SDK2: variants seen among roughly 807,000 people sequenced by gnomAD.
SDK2 encodes sidekick cell adhesion molecule 2, also known as protein sidekick-2.
A neutral mutation model predicts 253.9 loss-of-function variants in SDK2; 105 were observed. The observed-to-expected ratio is 0.41, with a 90% CI of 0.35 to 0.49. The LOEUF is 0.49. SDK2 is among the 20% of genes least tolerant of loss of function. The probability of loss-of-function intolerance (pLI) is 0.06; values close to 1 mark genes in which losing one functional copy is unlikely to be tolerated. For missense variants in SDK2, 2,608 were observed against 3,003.0 expected (o/e 0.87, Z 3.07); for synonymous variants, 1,249 against 1,234.9 (o/e 1.01, Z -0.24).
rs1279883633 is a variant in SDK2, at chr17:73,335,718, C to T, written c.*2869G>A. ...TGTCTAAATTTGCGTGGTGTCCTCA[C>T]CCTCTCAGACAATAGATCCCAGCCA... On this transcript the variant is annotated 3_prime_UTR_variant, in exon 45 of 45. Transcript: ENST00000392650. 1 of 152,260 alleles carries T rather than the reference C, an allele frequency of 6.6e-6. No individual in the cohort carries two copies. The highest frequency in any genetic ancestry group is 1.5e-5 in the Non-Finnish European group (1 of 68,062). 9.4% of individuals were successfully genotyped at this position (152,260 alleles called of 1,614,324 possible). A position where few individuals can be genotyped will look rare whatever the true frequency, so the allele number is the denominator to read the frequency against.
At chr17:73,480,468 C>A (rs1336693779) in intron 2 of SDK2, among the ~76,000 whole-genome samples, 2 of 152,134 alleles carry the variant, frequency 1.3e-5, no homozygotes, top group African/African-American at 4.8e-5. Flanking sequence ...GCTTGGGCAG[C>A]CCCTTTAGTG....
rs765696082 is a variant in SDK2, at chr17:73,438,045, C to T, written c.835G>A (p.Ala279Thr). 59 of 1,551,538 alleles carry T rather than the reference C, an allele frequency of 3.8e-5. No individual in the cohort carries two copies. Among genetic ancestry groups the T allele is most frequent in the East Asian group, 4.9e-5 (2 of 40,936 alleles). The change falls in exon 7 of 45, where the codon GCC becomes ACC. Residue 279 changes from alanine to threonine, a missense_variant. By Grantham distance (58) the Ala-to-Thr change is moderately conservative (BLOSUM62 0). Coordinates refer to ENST00000392650, the MANE Select transcript of SDK2 (RefSeq NM_001144952.2). The stretch of plus-strand genomic sequence containing the variant: ...ACAGCCTCACACTCGTAGTAGCCGG[C>T]GTCACTGCCGGTGGGGTTGGGGATG... ...LTIPNPTGSD[A>T]GYYECEAVLR...
rs2062946703 is a variant in SDK2 at position 73,393,607 on chromosome 17, T to C, written c.3851A>G (p.Asp1284Gly). Residue 1284 changes from aspartate (D) to glycine (G), a missense_variant, in exon 27 of 45, where the codon GAC becomes GGC. By Grantham distance (94) the Asp-to-Gly change is moderately conservative. Transcript: ENST00000392650. ...GATGGGAGGGTGGCTGGGGCTGCCG[T>C]CCCCGATGCGTGTGAAGGCCAGCAC... ...VQVLAFTRIG[D>G]GSPSHPPILE... 1.9e-6 allele frequency: 3 copies of C among 1,585,556 alleles called. No individual in the cohort carries two copies. The highest frequency in any genetic ancestry group is 1.7e-5 in the Admixed American group (1 of 58,890).
intron 1 of SDK2, among the ~76,000 whole-genome samples, chr17:73,595,772 T>C (rs896443008): frequency 6.6e-6 from 1 of 152,040 alleles, no homozygotes; most frequent in African/African-American, 2.4e-5. Flanking sequence ...CATCCACTCC[T>C]CACCGGCAGG....
At chr17:73,434,278 C>T (rs1409484016) in intron 9 of SDK2, among the ~76,000 whole-genome samples, 2 of 152,262 alleles carry the variant, frequency 1.3e-5, no homozygotes, top group Non-Finnish European at 2.9e-5. Flanking sequence ...AGTGGCCCTG[C>T]CCCAGGAGCT....
rs1298740558 is a variant in SDK2 at position 73,338,999 on chromosome 17, TG to T, written c.6166-60del. The T allele has an allele frequency of 3.3e-6, 5 of 1,495,194 alleles. No individual in the cohort carries two copies. The Admixed American group carries it at 8.6e-5, about 26-fold the overall frequency. The allele number at this position is 1,495,194 out of a possible 1,614,324, so 92.6% of individuals were successfully genotyped here. A position where few individuals can be genotyped will look rare whatever the true frequency, so the allele number is the denominator to read the frequency against. The stretch of plus-strand genomic sequence containing the variant: ...CCCCGTAGGGACAGGCCATTGTGGT[TG>T]GGGCCGGAAGGCACAGGGCATTCTG... On this transcript the variant is annotated intron_variant, in intron 44 of 44. Coordinates refer to ENST00000392650, the MANE Select transcript of SDK2 (RefSeq NM_001144952.2). The surrounding 1 kb of genome is among the most constrained non-coding windows in gnomAD (Gnocchi z 5.0).
At chr17:73,559,451 G>C (rs2045194516) in intron 1 of SDK2, among the ~76,000 whole-genome samples, 1 of 152,158 alleles carries the variant, frequency 6.6e-6, no homozygotes, top group Admixed American at 6.5e-5. Context: ...AATTCTTTTT[G>C]CGGGCTCTTG....
chr17:73,565,452 A>G (rs577357751), intron 1 of SDK2, among the ~76,000 whole-genome samples: 1 of 152,372 alleles, frequency 6.6e-6, no homozygotes, highest in African/African-American at 2.4e-5. Flanking sequence ...TCCTAGGCAC[A>G]TGAAGAAACA....
At chr17:73,475,372 G>A (rs541658253) in intron 2 of SDK2, among the ~76,000 whole-genome samples, 326 of 152,230 alleles carry the variant, frequency 2.1e-3, no homozygotes, top group Middle Eastern at 0.017. Context: ...GGCTGGTCTC[G>A]AACTCCTGAC....
At chr17:73,343,686 G>A (rs981668445) in intron 44 of SDK2, among the ~76,000 whole-genome samples, 1 of 152,250 alleles carries the variant, frequency 6.6e-6, no homozygotes, top group Admixed American at 6.5e-5. Flanking sequence ...TGGGAGTGGG[G>A]AGGGAGGGCC....
intron 2 of SDK2, among the ~76,000 whole-genome samples, chr17:73,506,058 G>T (rs534777422): frequency 6.6e-6 from 1 of 152,238 alleles, no homozygotes; most frequent in Non-Finnish European, 1.5e-5. Context: ...GCTCCCAGCC[G>T]GAAGAAGTCA....
At chr17:73,569,154 T>C (rs1410004967) in intron 1 of SDK2, among the ~76,000 whole-genome samples, 1 of 152,004 alleles carries the variant, frequency 6.6e-6, no homozygotes, top group Non-Finnish European at 1.5e-5. Flanking sequence ...AGAGCTGGGG[T>C]TGAAAGCCTA....
chr17:73,425,018 G>A (rs1002024825), intron 12 of SDK2, among the ~76,000 whole-genome samples: 9 of 152,336 alleles, frequency 5.9e-5, no homozygotes, highest in Non-Finnish European at 1.2e-4. Flanking sequence ...TCAGGAGTTT[G>A]AGACCAGTCT....
chr17:73,482,855 C>T (rs2063734959), intron 2 of SDK2, among the ~76,000 whole-genome samples: 1 of 152,184 alleles, frequency 6.6e-6, no homozygotes, highest in African/African-American at 2.4e-5. Flanking sequence ...GGGATCCCTC[C>T]CTAAATAACA....
intron 1 of SDK2, among the ~76,000 whole-genome samples, chr17:73,602,411 T>A (rs1379335099): frequency 6.6e-6 from 1 of 152,040 alleles, no homozygotes; most frequent in Non-Finnish European, 1.5e-5. Context: ...TTGGCAACAG[T>A]GCACCATCTC....
intron 1 of SDK2, among the ~76,000 whole-genome samples, chr17:73,529,180 T>C (rs1199876102): frequency 6.6e-6 from 1 of 152,186 alleles, no homozygotes; most frequent in Non-Finnish European, 1.5e-5. Flanking sequence ...GTTTCGTCTG[T>C]AATGAGCGAA....
chr17:73,557,347 G>A (rs1342334616), intron 1 of SDK2, among the ~76,000 whole-genome samples: 1 of 151,812 alleles, frequency 6.6e-6, no homozygotes, highest in Admixed American at 6.6e-5. Flanking sequence ...CTGTCGCCCA[G>A]GCTGGAGTGC....
Position 73,639,404 on chromosome 17 carries a change from C to T in SDK2, c.64+4621G>A, listed in dbSNP as rs1002373435. The stretch of plus-strand genomic sequence containing the variant: ...CGCTGCTCACTGGCTCTGCCTCCTG[C>T]CCAGCACATGGACAGCAGGGGTGGG... On this transcript the variant is annotated intron_variant, in intron 1 of 44. Coordinates refer to ENST00000392650, the MANE Select transcript of SDK2 (RefSeq NM_001144952.2). This position sits in a 1 kb window ranked among gnomAD's most constrained non-coding sequence, Gnocchi z 4.3. Among the ~76,000 whole-genome samples, 2 of 152,212 alleles carry T rather than the reference C, an allele frequency of 1.3e-5. No individual in the cohort carries two copies. The highest frequency in any genetic ancestry group is 2.4e-5 in the African/African-American group (1 of 41,460).
Position 73,361,620 on chromosome 17 carries a change from C to A in SDK2, c.5467+64G>T. On this transcript the variant is annotated intron_variant, in intron 39 of 44. Coordinates refer to ENST00000392650, the MANE Select transcript of SDK2 (RefSeq NM_001144952.2). The surrounding 1 kb of genome is among the most constrained non-coding windows in gnomAD (Gnocchi z 4.1). ...CCAGCACAGCTCTTGACACCGGGGG[C>A]CCCTTCTGACTGGGGACGCTGAACC... 1 of 1,544,148 alleles carries A rather than the reference C, an allele frequency of 6.5e-7. No individual in the cohort carries two copies. The highest frequency in any genetic ancestry group is 8.9e-7 in the Non-Finnish European group (1 of 1,127,374).
Sources: gnomAD v4.1 joint callset for allele counts (sites outside exome capture counted in the v4.1 genomes callset) on GRCh38, gnomAD v4.1.1 for gene constraint, Gnocchi (gnomAD v3.1) non-coding constraint, MANE v1.5 for transcripts, NCBI Gene and HGNC (gene_info 2026-07-23, HGNC 2026-07-21) for gene names.